The following EFNA5 variants were observed in gnomAD, a reference collection of about 807,000 sequenced individuals.
EFNA5 encodes ephrin A5.
In EFNA5, 5 loss-of-function variants were observed where a neutral mutation model predicts 22.9. That is an observed-to-expected ratio of 0.22 (90% CI 0.11 to 0.46). The LOEUF is 0.46. EFNA5 is among the 20% of genes least tolerant of loss of function. EFNA5 has a pLI of 0.99. For missense variants in EFNA5, 237 were observed against 293.3 expected (o/e 0.81, Z 1.40); for synonymous variants, 113 against 112.2 (o/e 1.01, Z -0.04).
At chr5:107,427,669 A>C (rs539448456) in intron 1 of EFNA5, among the ~76,000 whole-genome samples, 160 bp from the exon 2 acceptor site, 1 of 152,114 alleles carries the variant, frequency 6.6e-6, no homozygotes, top group African/African-American at 2.4e-5. Flanking sequence ...GAAATGTTGC[A>C]GTTCCCAATC....
chr5:107,606,684 C>T (rs1749732507), intron 1 of EFNA5, among the ~76,000 whole-genome samples: 1 of 152,040 alleles, frequency 6.6e-6, no homozygotes, highest in Non-Finnish European at 1.5e-5. Context: ...ATTTCCTCTT[C>T]CATAAAATCA....
intron 1 of EFNA5, among the ~76,000 whole-genome samples, chr5:107,504,186 A>G (rs575889248): frequency 1.3e-5 from 2 of 152,304 alleles, no homozygotes; most frequent in Admixed American, 1.3e-4. Flanking sequence ...AAGTATTTAA[A>G]GAGAGGGTAT....
At chr5:107,534,158 G>A (rs1580516936) in intron 1 of EFNA5, among the ~76,000 whole-genome samples, 1 of 152,214 alleles carries the variant, frequency 6.6e-6, no homozygotes, top group South Asian at 2.1e-4. Flanking sequence ...GCAGAGATAA[G>A]GTTGTTATGA....
Position 107,643,880 on chromosome 5 carries a change from A to G in EFNA5, c.125+26609T>C, listed in dbSNP as rs539523523. On this transcript the variant is annotated intron_variant, in intron 1 of 4. Coordinates refer to ENST00000333274, the MANE Select transcript of EFNA5 (RefSeq NM_001962.3). ...TAGCTGTCTATTTTCTTTAATAATA[A>G]TAATAATAATAATAATAATAAAGGC... Among the ~76,000 whole-genome samples the G allele has an allele frequency of 4.9e-3, 747 of 151,020 alleles. 7 individuals carry two copies. Among genetic ancestry groups the G allele is most frequent in the African/African-American group, 0.017 (719 of 41,176 alleles).
chr5:107,490,243 C>T (rs152567), intron 1 of EFNA5, among the ~76,000 whole-genome samples: 53,166 of 151,960 alleles, frequency 0.35, 9,415 homozygotes, highest in South Asian at 0.49. Context: ...TTGCTTCACA[C>T]TATGTCATTT....
chr5:107,615,952 A>G (rs1392451771), intron 1 of EFNA5, among the ~76,000 whole-genome samples: 1 of 152,246 alleles, frequency 6.6e-6, no homozygotes, highest in Non-Finnish European at 1.5e-5. Context: ...AAAACAAGAA[A>G]GAACAATTCT....
chr5:107,430,863 G>A lies in EFNA5; in HGVS notation c.126-3354C>T, dbSNP rs540010497. On this transcript the variant is annotated intron_variant, in intron 1 of 4. Transcript: ENST00000333274. ...GTGATCTCGGCTCACTGCAACCTCC[G>A]CCTCCTTAATTCAAGCAATTCCCCT... 1.2e-4 allele frequency among the ~76,000 whole-genome samples: 16 copies of A among 133,716 alleles called. No homozygotes were observed. In the South Asian group the frequency reaches 2.8e-3, roughly 24 times the overall value. 87.7% of individuals were successfully genotyped at this position (133,716 alleles called of 152,430 possible). A position where few individuals can be genotyped will look rare whatever the true frequency, so the allele number is the denominator to read the frequency against.
At chr5:107,502,993 A>G (rs1337448283) in intron 1 of EFNA5, among the ~76,000 whole-genome samples, 1 of 152,158 alleles carries the variant, frequency 6.6e-6, no homozygotes, top group Non-Finnish European at 1.5e-5. Flanking sequence ...AACAAATAGA[A>G]TTACAGGCTT....
chr5:107,669,475 C>T (rs900011786), intron 1 of EFNA5, among the ~76,000 whole-genome samples: 5 of 151,996 alleles, frequency 3.3e-5, no homozygotes, highest in Non-Finnish European at 7.4e-5. Context: ...GGCCGGGAAG[C>T]AATAAAGGTT....
chr5:107,442,525 T>TTA (rs753101767), intron 1 of EFNA5, among the ~76,000 whole-genome samples: 18 of 152,290 alleles, frequency 1.2e-4, no homozygotes, highest in Non-Finnish European at 2.4e-4. Context: ...AAAATGTAGC[T>TTA]TATGTTTTCC....
chr5:107,574,945 C>A (rs959615616), intron 1 of EFNA5, among the ~76,000 whole-genome samples: 1 of 152,128 alleles, frequency 6.6e-6, no homozygotes, highest in Non-Finnish European at 1.5e-5. Flanking sequence ...TTGATTTATG[C>A]CCATCATCAG....
chr5:107,541,306 A>G (rs1468722493), intron 1 of EFNA5, among the ~76,000 whole-genome samples: 1 of 152,208 alleles, frequency 6.6e-6, no homozygotes, highest in Non-Finnish European at 1.5e-5. Context: ...CAAAATACTG[A>G]AAGTTAATTT....
At chr5:107,420,567 C>T (rs974665130) in intron 2 of EFNA5, among the ~76,000 whole-genome samples, 5 of 134,524 alleles carry the variant, frequency 3.7e-5, no homozygotes, top group African/African-American at 1.1e-4. Flanking sequence ...AAAAAACACA[C>T]GCAAACAACA....
chr5:107,404,722 A>T (rs1334384272), intron 2 of EFNA5, among the ~76,000 whole-genome samples: 1 of 152,188 alleles, frequency 6.6e-6, no homozygotes, highest in Non-Finnish European at 1.5e-5. Flanking sequence ...TTACAGTATA[A>T]ATCATACTTT....
intron 1 of EFNA5, among the ~76,000 whole-genome samples, chr5:107,478,859 C>A (rs1431271917): frequency 6.6e-6 from 1 of 152,034 alleles, no homozygotes; most frequent in South Asian, 2.1e-4. Context: ...TGAAACTTTT[C>A]GTTTTATTTA....
At chr5:107,632,414 G>A (rs898055277) in intron 1 of EFNA5, among the ~76,000 whole-genome samples, 1 of 152,070 alleles carries the variant, frequency 6.6e-6, no homozygotes, top group African/African-American at 2.4e-5. Flanking sequence ...GGATACATTA[G>A]GTAAGCAAGA....
In EFNA5 at chr5:107,492,062, T is replaced by C. The variant is rs117029074; in HGVS notation, c.126-64553A>G. On this transcript the variant is annotated intron_variant, in intron 1 of 4. Coordinates refer to ENST00000333274, the MANE Select transcript of EFNA5 (RefSeq NM_001962.3). ...ATTGGCCAGGCTGGTCTCAAACTCT[T>C]GGCCTCAAGTAATCTGCTCACCTCT... Among the ~76,000 whole-genome samples, 8 of 152,294 alleles carry C rather than the reference T, an allele frequency of 5.3e-5. No individual in the cohort carries two copies. The East Asian group carries it at 1.2e-3, about 22-fold the overall frequency.
Position 107,377,264 on chromosome 5 carries a change from G to A in EFNA5, c.*3991C>T, listed in dbSNP as rs1747290891. ...GAGCAAGCCCATTGTAGGGAGATTT[G>A]TCTCACATCCTAGCAGCCCTGGGGC... On this transcript the variant is annotated 3_prime_UTR_variant, in exon 5 of 5. Transcript: ENST00000333274. 1 of 152,094 alleles carries A rather than the reference G, an allele frequency of 6.6e-6. No individual in the cohort carries two copies. Among genetic ancestry groups the A allele is most frequent in the Non-Finnish European group, 1.5e-5 (1 of 68,050 alleles). The allele number at this position is 152,094 out of a possible 1,614,324, so 9.4% of individuals were successfully genotyped here.
At chr5:107,541,425 C>A (rs192525890) in intron 1 of EFNA5, among the ~76,000 whole-genome samples, 1 of 152,190 alleles carries the variant, frequency 6.6e-6, no homozygotes, top group Non-Finnish European at 1.5e-5. Context: ...AAAATGTAAT[C>A]GAAGCCTAAC....
Sources: gnomAD v4.1 joint callset for allele counts (sites outside exome capture counted in the v4.1 genomes callset) on GRCh38, gnomAD v4.1.1 for gene constraint, MANE v1.5 for transcripts, NCBI Gene and HGNC (gene_info 2026-07-23, HGNC 2026-07-21) for gene names.